DSC3: variants seen among roughly 807,000 people sequenced by gnomAD.
The protein encoded by DSC3 is desmocollin-3.
Under a neutral mutation model 89.5 loss-of-function variants are expected in DSC3, and 97 were observed. The ratio of observed to expected loss-of-function variants is 1.08; its 90% confidence interval spans 0.92 to 1.28. The LOEUF (loss-of-function observed/expected upper bound fraction) is 1.28. DSC3 is among the 50% of genes most tolerant of loss of function. The pLI is 0.00. For missense variants in DSC3, 1,199 were observed against 1,085.3 expected (o/e 1.10, Z -1.47); for synonymous variants, 436 against 384.1 (o/e 1.14, Z -1.58).
At chr18:31,004,535 T>C (rs1984774443) in intron 12 of DSC3, among the ~76,000 whole-genome samples, 169 bp from the exon 13 acceptor site, 2 of 152,220 alleles carry the variant, frequency 1.3e-5, no homozygotes, top group Admixed American at 1.3e-4. Context: ...TACTGTTATC[T>C]TATATGTGTT....
chr18:31,035,552 T>C (rs775626644), intron 1 of DSC3, among the ~76,000 whole-genome samples: 1 of 152,024 alleles, frequency 6.6e-6, no homozygotes, highest in Non-Finnish European at 1.5e-5. Flanking sequence ...AACCACCCAT[T>C]GGTTGAAATA....
Position 30,993,892 on chromosome 18 carries a change from A to G in DSC3, c.*283T>C, listed in dbSNP as rs1984359412. The G allele has an allele frequency of 3.1e-6, 1 of 317,948 alleles. No individual in the cohort carries two copies. 19.7% of individuals were successfully genotyped at this position (317,948 alleles called of 1,614,324 possible). A position where few individuals can be genotyped will look rare whatever the true frequency, so the allele number is the denominator to read the frequency against. On this transcript the variant is annotated 3_prime_UTR_variant, in exon 16 of 16. Coordinates refer to ENST00000360428, the MANE Select transcript of DSC3 (RefSeq NM_001941.5). ...ATTGTTGGACTAATATTTATCCAGC[A>G]TATTTATTACTAAAATATCCGTAAA...
chr18:31,019,434 C>T (rs1012811322), intron 7 of DSC3, among the ~76,000 whole-genome samples: 3 of 152,098 alleles, frequency 2.0e-5, no homozygotes, highest in Admixed American at 6.6e-5. Flanking sequence ...GAAGTTTTGG[C>T]ATAATTTGGA....
At chr18:31,017,962 A>G (rs555781769) in intron 9 of DSC3, 109 bp downstream of exon 9, 297 of 916,040 alleles carry the variant, frequency 3.2e-4, no homozygotes, top group Non-Finnish European at 4.7e-4. Context: ...TAGATTTTAA[A>G]TTTTCTTCCA....
chr18:31,029,524 T>C lies in DSC3; in HGVS notation c.459A>G (p.Pro153=), dbSNP rs1985709817. 1 of 1,613,824 alleles carries C rather than the reference T, an allele frequency of 6.2e-7. No homozygotes were observed. Among genetic ancestry groups the C allele is most frequent in the South Asian group, 1.1e-5 (1 of 91,076 alleles). The change falls in exon 4 of 16, where the codon CCA becomes CCG. Residue 153 remains proline (P), a synonymous_variant. Transcript: ENST00000360428. Reference sequence around the variant, plus strand: ...GTAAACCTACTTGTTGAAGAAACAATGGGAAAGGGCCCAAGGAATTCTCTT... The same window carrying C: ...GTAAACCTACTTGTTGAAGAAACAACGGGAAAGGGCCCAAGGAATTCTCTT... ...SMQENSLGPF[P]LFLQQVESDA... is the part of the protein sequence containing the mutation.
rs775843944 is a variant in DSC3 at position 30,994,187 on chromosome 18, G to A, written c.2679C>T (p.Cys893=). The change falls in exon 16 of 16, where the codon TGC becomes TGT. Residue 893 remains cysteine, a synonymous_variant. Transcript: ENST00000360428. ...TAGCACTGTGACATTATCTCTTTGTGCATGCTTCTGCTAATGTAATAAATT... is the reference window on the plus strand; with the variant it reads ...TAGCACTGTGACATTATCTCTTTGTACATGCTTCTGCTAATGTAATAAATT... The part of the protein sequence containing the change: ...EPKFITLAEA[C]TKR 1 of 1,613,758 alleles carries A rather than the reference G, an allele frequency of 6.2e-7. No homozygotes were observed. Among genetic ancestry groups the A allele is most frequent in the Non-Finnish European group, 8.5e-7 (1 of 1,179,788 alleles).
Position 30,990,622 on chromosome 18 carries a change from C to A in DSC3, c.*3553G>T, listed in dbSNP as rs912001903. 15 of 152,164 alleles carry A rather than the reference C, an allele frequency of 9.9e-5. No homozygotes were observed. Among genetic ancestry groups the A allele is most frequent in the Admixed American group, 9.2e-4 (14 of 15,276 alleles). 9.4% of individuals were successfully genotyped at this position (152,164 alleles called of 1,614,324 possible). Reference sequence around the variant, plus strand: ...GCACAGAGCACCTTTATGGTTGGATCATCTTGTCATTAAAGTTCAGGCGTT... The same window carrying A: ...GCACAGAGCACCTTTATGGTTGGATAATCTTGTCATTAAAGTTCAGGCGTT... On this transcript the variant is annotated 3_prime_UTR_variant, in exon 16 of 16. Transcript: ENST00000360428.
chr18:31,004,181 C>T lies in DSC3; in HGVS notation c.2074G>A (p.Ala692Thr), dbSNP rs947835564. 1 of 1,613,628 alleles carries T rather than the reference C, an allele frequency of 6.2e-7. No homozygotes were observed. The highest frequency in any genetic ancestry group is 1.3e-5 in the African/African-American group (1 of 74,866). The change falls in exon 13 of 16, where the codon GCA becomes ACA. Residue 692 changes from alanine to threonine, a missense_variant. Transcript: ENST00000360428. ...RSTGVILGKW[A>T]ILAILLGIAL... ...ATACCCAGTAATATTGCAAGGATTG[C>T]CCATTTTCCAAGTATTACTCCTGTA...
chr18:31,003,248 G>T (rs1318543683), intron 13 of DSC3, among the ~76,000 whole-genome samples: 1 of 152,112 alleles, frequency 6.6e-6, no homozygotes, highest in Non-Finnish European at 1.5e-5. Context: ...CTAATTATTT[G>T]CCTCTCTTTT....
chr18:30,990,883 T>C lies in DSC3; in HGVS notation c.*3292A>G, dbSNP rs1469295796. On this transcript the variant is annotated 3_prime_UTR_variant, in exon 16 of 16. Coordinates refer to ENST00000360428, the MANE Select transcript of DSC3 (RefSeq NM_001941.5). Reference sequence around the variant, plus strand: ...AGCTGTGCTTCAAAATAGTGATCTCTTCCCAACATTACAATATATATTAAT... The same window carrying C: ...AGCTGTGCTTCAAAATAGTGATCTCCTCCCAACATTACAATATATATTAAT... 6.6e-6 allele frequency: 1 copy of C among 152,212 alleles called. No individual in the cohort carries two copies. The highest frequency in any genetic ancestry group is 1.5e-5 in the Non-Finnish European group (1 of 68,046). 9.4% of individuals were successfully genotyped at this position (152,212 alleles called of 1,614,324 possible). A position where few individuals can be genotyped will look rare whatever the true frequency, so the allele number is the denominator to read the frequency against.
chr18:31,030,477 G>A (rs1009162775), intron 3 of DSC3, among the ~76,000 whole-genome samples: 3 of 152,072 alleles, frequency 2.0e-5, no homozygotes, highest in East Asian at 3.8e-4. Context: ...TCACTGTAAA[G>A]GTTTTGCAGT....
At chr18:31,029,459 A>G (rs1188398184) in intron 4 of DSC3, 50 bp downstream of exon 4, 15 of 1,608,480 alleles carry the variant, frequency 9.3e-6, no homozygotes, top group Middle Eastern at 1.6e-4. Context: ...TCTCAATGAA[A>G]CAGACTCTTA....
chr18:31,032,546 CTGTGTGTA>C (rs1419628383), intron 1 of DSC3, among the ~76,000 whole-genome samples: 12 of 133,828 alleles, frequency 9.0e-5, no homozygotes, highest in East Asian at 4.9e-4. Context: ...CTAACTGCTT[CTGTGTGTA>C]TGTGTGTGTG....
At position 31,022,157 on chromosome 18, in the gene DSC3, C is replaced by T. The variant is rs1598544735; in HGVS notation, c.942+179G>A. On this transcript the variant is annotated intron_variant, in intron 7 of 15. Coordinates refer to ENST00000360428, the MANE Select transcript of DSC3 (RefSeq NM_001941.5). ...TGATCTGCGTTTCTAGTCCTTATGG[C>T]TACTCTAACATAAGGAAATAGAAAT... Among the ~76,000 whole-genome samples, 3 of 152,166 alleles carry T rather than the reference C, an allele frequency of 2.0e-5. No homozygotes were observed. In the South Asian group the frequency reaches 6.2e-4, roughly 32 times the overall value.
At chr18:31,010,882 A>G (rs1394590520) in intron 9 of DSC3, among the ~76,000 whole-genome samples, 1 of 152,246 alleles carries the variant, frequency 6.6e-6, no homozygotes, top group East Asian at 1.9e-4. Flanking sequence ...AAAGTTATCT[A>G]TTTTGGAACA....
At chr18:31,034,360 A>G (rs767505495) in intron 1 of DSC3, among the ~76,000 whole-genome samples, 2 of 152,216 alleles carry the variant, frequency 1.3e-5, no homozygotes, top group Non-Finnish European at 2.9e-5. Flanking sequence ...AGGATAACTA[A>G]AATAAATAAG....
intron 5 of DSC3, among the ~76,000 whole-genome samples, chr18:31,025,060 T>G (rs1985551981): frequency 6.6e-6 from 1 of 152,166 alleles, no homozygotes; most frequent in East Asian, 1.9e-4. Flanking sequence ...TCTAAGCAAA[T>G]GCAAAGCATG....
rs557132556 is a variant in DSC3, at chr18:30,993,852, T to G, written c.*323A>C. The G allele has an allele frequency of 4.0e-6, 1 of 248,102 alleles. No individual in the cohort carries two copies. The highest frequency in any genetic ancestry group is 9.9e-5 in the East Asian group (1 of 10,100). 15.4% of individuals were successfully genotyped at this position (248,102 alleles called of 1,614,324 possible). A position where few individuals can be genotyped will look rare whatever the true frequency, so the allele number is the denominator to read the frequency against. On this transcript the variant is annotated 3_prime_UTR_variant, in exon 16 of 16. Coordinates refer to ENST00000360428, the MANE Select transcript of DSC3 (RefSeq NM_001941.5). ...AAGTGAATACATAATAATGTGATATTAGCATAACTTAGCTATTGTTGGACT... is the reference window on the plus strand; with the variant it reads ...AAGTGAATACATAATAATGTGATATGAGCATAACTTAGCTATTGTTGGACT...
rs748952198 is a variant in DSC3, at chr18:31,018,060, C to T, written c.1263+11G>A. On this transcript the variant is annotated intron_variant, in intron 9 of 15. Coordinates refer to ENST00000360428, the MANE Select transcript of DSC3 (RefSeq NM_001941.5). Reference sequence around the variant, plus strand: ...TTAATTTGCTAAGTTGTCAATTATACATTACTGTACCTTTACAACAGAAAG... The same window carrying T: ...TTAATTTGCTAAGTTGTCAATTATATATTACTGTACCTTTACAACAGAAAG... 7 of 1,606,548 alleles carry T rather than the reference C, an allele frequency of 4.4e-6. No individual in the cohort carries two copies. The highest frequency in any genetic ancestry group is 1.7e-4 in the Middle Eastern group (1 of 5,936).
Sources: allele counts gnomAD v4.1 joint callset (sites outside exome capture counted in the v4.1 genomes callset), GRCh38; gene constraint gnomAD v4.1.1; transcripts MANE v1.5; gene names NCBI Gene and HGNC (gene_info 2026-07-23, HGNC 2026-07-21).